FILIP1: variants seen among roughly 807,000 people sequenced by gnomAD.
FILIP1 encodes the protein filamin A interacting protein 1, also known as filamin-A-interacting protein 1.
FILIP1 carries 61 observed loss-of-function variants against 102.1 expected under a neutral mutation model. That is an observed-to-expected ratio of 0.60 (90% CI 0.49 to 0.74). FILIP1 has a LOEUF of 0.74. FILIP1 is among the 30% of genes least tolerant of loss of function. The pLI, the probability that FILIP1 is intolerant of heterozygous loss-of-function variation, is 0.00. For synonymous variants in FILIP1, 491 were observed against 526.9 expected (o/e 0.93, Z 0.93); for missense variants, 1,314 against 1,441.2 (o/e 0.91, Z 1.43).
chr6:75,325,250 T>C (rs967304699), intron 4 of FILIP1, among the ~76,000 whole-genome samples: 1 of 152,056 alleles, frequency 6.6e-6, no homozygotes, highest in Non-Finnish European at 1.5e-5. Flanking sequence ...GGTGAAGCCC[T>C]ATCTCTACTA....
At chr6:75,306,764 A>G (rs13204272), downstream of FILIP1, among the ~76,000 whole-genome samples, 1 of 144,826 alleles carries the variant, frequency 6.9e-6, no homozygotes, top group South Asian at 2.2e-4. Context: ...TTCCTTTTTT[A>G]TTTTTTGAGA....
In FILIP1 at chr6:75,467,040, A is replaced by G. The variant is rs182053039; in HGVS notation, c.-7+26374T>C. On this transcript the variant is annotated intron_variant, in intron 1 of 5. Transcript: ENST00000237172. ...TTTAACTCTCTTTTCTCCTTTAACT[A>G]TCCTGTTCATGAATGCATCTTCTTT... is the stretch of plus-strand genomic sequence containing the variant. Among the ~76,000 whole-genome samples, 13 of 152,292 alleles carry G rather than the reference A, an allele frequency of 8.5e-5. No individual in the cohort carries two copies. In the East Asian group the frequency reaches 2.5e-3, roughly 29 times the overall value.
At chr6:75,298,874 C>T (rs1489416639) in intron 6 of FILIP1, among the ~76,000 whole-genome samples, 1 of 152,036 alleles carries the variant, frequency 6.6e-6, no homozygotes, top group Non-Finnish European at 1.5e-5. Flanking sequence ...GCCGAGATAG[C>T]ACCACTGCAC....
chr6:75,371,368 C>T (rs533348981), intron 2 of FILIP1, among the ~76,000 whole-genome samples: 39 of 152,246 alleles, frequency 2.6e-4, no homozygotes, highest in African/African-American at 7.0e-4. Context: ...CAGAAACAGA[C>T]GCAATTTCTT....
intron 2 of FILIP1, among the ~76,000 whole-genome samples, chr6:75,396,022 C>G (rs1248800964): frequency 3.3e-5 from 5 of 150,984 alleles, no homozygotes; most frequent in African/African-American, 1.2e-4. Flanking sequence ...CTATACCCAT[C>G]AGCCAACCTG....
chr6:75,390,600 C>T (rs958060267), intron 2 of FILIP1, among the ~76,000 whole-genome samples: 3 of 152,112 alleles, frequency 2.0e-5, no homozygotes, highest in African/African-American at 7.2e-5. Context: ...CCAGATCTCA[C>T]AAGAACTCAC....
chr6:75,300,157 C>T (rs150121569), intron 6 of FILIP1, among the ~76,000 whole-genome samples: 2 of 152,094 alleles, frequency 1.3e-5, no homozygotes, highest in Admixed American at 6.5e-5. Context: ...GCAAATAAGG[C>T]CACATCACTT....
intron 1 of FILIP1, among the ~76,000 whole-genome samples, chr6:75,425,695 T>C (rs1456408208): frequency 6.6e-6 from 1 of 152,060 alleles, no homozygotes; most frequent in East Asian, 1.9e-4. Flanking sequence ...CACTTAACTC[T>C]CCAACCCACA....
intron 2 of FILIP1, among the ~76,000 whole-genome samples, chr6:75,368,938 G>A (rs1775428329): frequency 6.6e-6 from 1 of 152,132 alleles, no homozygotes; most frequent in South Asian, 2.1e-4. Flanking sequence ...CAGTCTGTTG[G>A]GGCAGGCCAG....
Position 75,295,615 on chromosome 6 carries a change from C to CA in FILIP1, c.*294dup, listed in dbSNP as rs573346802. On this transcript the variant is annotated 3_prime_UTR_variant, in exon 7 of 7. Transcript: ENST00000393004. ...CACTTTAGCAAAAAAAATCACATTACAAAATGTATTATAAAATATAAGTTA... is the reference window on the plus strand; with the variant it reads ...CACTTTAGCAAAAAAAATCACATTACAAAAATGTATTATAAAATATAAGTTA... 20 of 241,202 alleles carry CA rather than the reference C, an allele frequency of 8.3e-5. No homozygotes were observed. The East Asian group carries it at 1.5e-3, about 18-fold the overall frequency. 14.9% of individuals were successfully genotyped at this position (241,202 alleles called of 1,614,324 possible). A position where few individuals can be genotyped will look rare whatever the true frequency, so the allele number is the denominator to read the frequency against.
intron 4 of FILIP1, among the ~76,000 whole-genome samples, chr6:75,328,735 ACCTCAG>A (rs201239530): frequency 0.022 from 3,403 of 152,100 alleles, 118 homozygotes; most frequent in African/African-American, 0.078. Context: ...TGAGCCACCC[ACCTCAG>A]CCTCCCAAAG....
chr6:75,330,400 T>C (rs192309836), intron 4 of FILIP1, among the ~76,000 whole-genome samples: 1 of 152,228 alleles, frequency 6.6e-6, no homozygotes, highest in Non-Finnish European at 1.5e-5. Context: ...CCTCGTACAC[T>C]TTTTTTCTCC....
chr6:75,305,117 GACA>G (rs1218772425), downstream of FILIP1, among the ~76,000 whole-genome samples: 2 of 152,124 alleles, frequency 1.3e-5, no homozygotes, highest in Admixed American at 1.3e-4. Flanking sequence ...ACCCTAAAGA[GACA>G]GAAAGGAAAC....
At chr6:75,375,306 T>C (rs1412235369) in intron 2 of FILIP1, among the ~76,000 whole-genome samples, 1 of 152,176 alleles carries the variant, frequency 6.6e-6, no homozygotes, top group Admixed American at 6.5e-5. Flanking sequence ...TACATCATGC[T>C]CTCAGTATAG....
At chr6:75,493,017 C>T (rs1780009313) in intron 1 of FILIP1, among the ~76,000 whole-genome samples, 1 of 152,202 alleles carries the variant, frequency 6.6e-6, no homozygotes, top group African/African-American at 2.4e-5. Context: ...ACACAAGCTG[C>T]TTAGCTAGTT....
chr6:75,462,852 C>T (rs183654951), intron 1 of FILIP1, among the ~76,000 whole-genome samples: 71 of 152,270 alleles, frequency 4.7e-4, no homozygotes, highest in Middle Eastern at 3.4e-3. Flanking sequence ...CTATCATCTC[C>T]ACTTCTCCAC....
intron 2 of FILIP1, among the ~76,000 whole-genome samples, chr6:75,381,859 T>A (rs537107485): frequency 6.6e-6 from 1 of 152,134 alleles, no homozygotes; most frequent in Non-Finnish European, 1.5e-5. Context: ...GATGAAAAAA[T>A]AAAGCTCAGA....
intron 2 of FILIP1, among the ~76,000 whole-genome samples, chr6:75,385,267 C>G (rs1190468761): frequency 6.6e-6 from 1 of 152,094 alleles, no homozygotes; most frequent in Non-Finnish European, 1.5e-5. Context: ...TTGCAGTAAT[C>G]TCACATAGGA....
chr6:75,331,450 G>A (rs1259791026), intron 4 of FILIP1, among the ~76,000 whole-genome samples: 1 of 152,162 alleles, frequency 6.6e-6, no homozygotes, highest in African/African-American at 2.4e-5. Context: ...TGGGCAGAAT[G>A]TCTCCTCCCC....
Sources: gnomAD v4.1 joint callset for allele counts (sites outside exome capture counted in the v4.1 genomes callset) on GRCh38, gnomAD v4.1.1 for gene constraint, MANE v1.5 for transcripts, NCBI Gene and HGNC (gene_info 2026-07-23, HGNC 2026-07-21) for gene names.